Variants in CTNNA2 observed in about 807,000 individuals in gnomAD.
CTNNA2 encodes the protein catenin alpha 2.
Under a neutral mutation model 101.0 loss-of-function variants are expected in CTNNA2, and 42 were observed. That is an observed-to-expected ratio of 0.42 (90% confidence interval 0.32 to 0.54). The LOEUF (loss-of-function observed/expected upper bound fraction) is 0.54. Ranked by LOEUF, CTNNA2 falls within the 20% of genes least tolerant of loss-of-function variation. The probability of loss-of-function intolerance (pLI) is 0.14; values close to 1 mark genes in which losing one functional copy is unlikely to be tolerated. For missense variants in CTNNA2, 871 were observed against 1,223.1 expected (o/e 0.71, Z 4.29); for synonymous variants, 450 against 456.4 (o/e 0.99, Z 0.18).
intron 3 of CTNNA2, among the ~76,000 whole-genome samples, chr2:79,750,645 G>C (rs1475485983): frequency 1.3e-5 from 2 of 151,978 alleles, no homozygotes; most frequent in African/African-American, 2.4e-5. Flanking sequence ...GGCAGATCAC[G>C]AGGTTAGGAG....
chr2:80,021,819 C>T (rs1694584870), intron 7 of CTNNA2, among the ~76,000 whole-genome samples: 1 of 152,050 alleles, frequency 6.6e-6, no homozygotes, highest in South Asian at 2.1e-4. Flanking sequence ...ACTTACTCCT[C>T]CTAATGAAAA....
intron 14 of CTNNA2, among the ~76,000 whole-genome samples, chr2:80,586,747 C>T (rs930255422): frequency 2.0e-5 from 3 of 152,116 alleles, no homozygotes; most frequent in African/African-American, 7.2e-5. Context: ...AGTATTCATA[C>T]AAGTCTGGAT....
rs760404623 is a variant in CTNNA2, at chr2:80,302,902, C to T, written c.1057-90309C>T. On this transcript the variant is annotated intron_variant, in intron 7 of 18. Coordinates refer to ENST00000402739, the MANE Select transcript of CTNNA2 (RefSeq NM_001282597.3). This position sits in a 1 kb window ranked among gnomAD's most constrained non-coding sequence, Gnocchi z 6.4. ...GGTTCCCGGCCAGGGTGATGCTTGT[C>T]AGGGACTTCCAAGAGTTGAGGATCC... 6.2e-7 allele frequency: 1 copy of T among 1,614,118 alleles called. No homozygotes were observed. Among genetic ancestry groups the T allele is most frequent in the South Asian group, 1.1e-5 (1 of 91,076 alleles).
intron 2 of CTNNA2, among the ~76,000 whole-genome samples, chr2:79,267,622 G>T (rs1456054960): frequency 6.6e-6 from 1 of 152,124 alleles, no homozygotes; most frequent in African/African-American, 2.4e-5. Flanking sequence ...GATCACTAAG[G>T]TCAAGTTTTA....
chr2:80,639,513 A>ATGTGTGTGTGTGTGTGTG (rs112045877), intron 18 of CTNNA2, among the ~76,000 whole-genome samples: 4,357 of 147,424 alleles, frequency 0.03, 96 homozygotes, highest in Non-Finnish European at 0.04. Flanking sequence ...CCCAGCCTTG[A>ATGTGTGTGTGTGTGTGTG]TGTGTGTGTG....
At chr2:80,120,035 C>T (rs1300546338) in intron 7 of CTNNA2, among the ~76,000 whole-genome samples, 2 of 152,110 alleles carry the variant, frequency 1.3e-5, no homozygotes, top group African/African-American at 4.8e-5. Context: ...TAACACAATG[C>T]GTAATTACTA....
intron 7 of CTNNA2, among the ~76,000 whole-genome samples, chr2:80,292,645 G>T (rs955963013): frequency 2.0e-5 from 3 of 152,130 alleles, no homozygotes; most frequent in Non-Finnish European, 1.5e-5. Context: ...ATACTCTCAT[G>T]GTGAGTCTGA....
chr2:79,587,789 C>A (rs1485361383), intron 1 of CTNNA2, among the ~76,000 whole-genome samples: 1 of 152,184 alleles, frequency 6.6e-6, no homozygotes, highest in Non-Finnish European at 1.5e-5. Context: ...CCTCTCTAAA[C>A]CCAGCTCAAA....
intron 9 of CTNNA2, among the ~76,000 whole-genome samples, chr2:80,530,746 T>G (rs1254559837): frequency 6.6e-6 from 1 of 152,188 alleles, no homozygotes; most frequent in African/African-American, 2.4e-5. Context: ...AGACAGCAGA[T>G]ATGGAGAACT....
intron 7 of CTNNA2, among the ~76,000 whole-genome samples, chr2:80,044,536 G>A (rs796305602): frequency 3.3e-5 from 5 of 152,184 alleles, no homozygotes; most frequent in African/African-American, 1.2e-4. Flanking sequence ...AATGCAGCTG[G>A]TATGGGCTTG....
At chr2:80,141,542 A>G (rs2148910729) in intron 7 of CTNNA2, among the ~76,000 whole-genome samples, 1 of 152,196 alleles carries the variant, frequency 6.6e-6, no homozygotes, top group East Asian at 1.9e-4. Flanking sequence ...TGCCGGCCTC[A>G]TCTTACAGAA....
chr2:80,593,271 C>T (rs538979436), intron 15 of CTNNA2, among the ~76,000 whole-genome samples: 21 of 152,078 alleles, frequency 1.4e-4, no homozygotes, highest in Non-Finnish European at 2.4e-4. Context: ...GTCTTCTTGT[C>T]GATATTGTCT....
intron 9 of CTNNA2, among the ~76,000 whole-genome samples, chr2:80,448,625 A>T (rs897132723): frequency 5.3e-5 from 8 of 152,146 alleles, no homozygotes; most frequent in Admixed American, 4.6e-4. Context: ...AGGGCTCAGA[A>T]CACCAGCTGC....
chr2:80,180,595 G>A (rs1705715526), intron 7 of CTNNA2, among the ~76,000 whole-genome samples: 1 of 152,172 alleles, frequency 6.6e-6, no homozygotes, highest in Admixed American at 6.5e-5. Context: ...TTGAGTGACT[G>A]CGGTTCCTCT....
At chr2:79,771,567 C>G (rs1325810147) in intron 3 of CTNNA2, among the ~76,000 whole-genome samples, 1 of 152,186 alleles carries the variant, frequency 6.6e-6, no homozygotes, top group East Asian at 1.9e-4. Flanking sequence ...GACAGATCAT[C>G]AATTATTAAA....
chr2:79,379,421 G>A (rs1678015343), intron 4 of CTNNA2, among the ~76,000 whole-genome samples: 2 of 152,268 alleles, frequency 1.3e-5, no homozygotes, highest in East Asian at 1.9e-4. Context: ...TCTGTGTTAT[G>A]TGGCCATCCT....
chr2:79,595,354 C>A (rs929462476), intron 1 of CTNNA2, among the ~76,000 whole-genome samples: 1 of 152,178 alleles, frequency 6.6e-6, no homozygotes, highest in East Asian at 1.9e-4. Flanking sequence ...GTGCCAGTGA[C>A]TCACAAATCT....
At chr2:79,390,928 C>T (rs1003777797) in intron 4 of CTNNA2, among the ~76,000 whole-genome samples, 4 of 152,052 alleles carry the variant, frequency 2.6e-5, no homozygotes, top group African/African-American at 4.8e-5. Flanking sequence ...TGATTGATTA[C>T]TTAGTCAATG....
At chr2:79,608,211 C>T (rs986695915) in intron 1 of CTNNA2, among the ~76,000 whole-genome samples, 3 of 151,954 alleles carry the variant, frequency 2.0e-5, no homozygotes, top group Non-Finnish European at 4.4e-5. Flanking sequence ...CCAAAGCTCA[C>T]TCAAGAAGAA....
Sources: gnomAD v4.1 joint callset for allele counts (sites outside exome capture counted in the v4.1 genomes callset) on GRCh38, gnomAD v4.1.1 for gene constraint, Gnocchi (gnomAD v3.1) non-coding constraint, MANE v1.5 for transcripts, NCBI Gene and HGNC (gene_info 2026-07-23, HGNC 2026-07-21) for gene names.